Variants in CSNK1G3 observed in about 807,000 individuals in gnomAD.
CSNK1G3 encodes casein kinase I isoform gamma-3.
In CSNK1G3, 23 loss-of-function variants were observed where a neutral mutation model predicts 64.3. That is an observed-to-expected ratio of 0.36 (90% confidence interval 0.26 to 0.51). CSNK1G3 has a LOEUF of 0.51. Among genes scored for constraint, CSNK1G3 ranks in the 20% least tolerant of loss-of-function variants. The pLI, the probability that CSNK1G3 is intolerant of heterozygous loss-of-function variation, is 0.96. For synonymous variants in CSNK1G3, 158 were observed against 162.2 expected, an observed-to-expected ratio of 0.97 and a Z score of 0.20; for missense variants, 357 against 510.5, an observed-to-expected ratio of 0.70 and a Z score of 2.90.
At chr5:123,599,726 A>G (rs2151087773) in intron 10 of CSNK1G3, among the ~76,000 whole-genome samples, 2 of 152,242 alleles carry the variant, frequency 1.3e-5, no homozygotes, top group South Asian at 4.1e-4. Flanking sequence ...TTTCTGGGGT[A>G]CTGAAATCTG....
chr5:123,544,300 T>A (rs1370056660), intron 1 of CSNK1G3, among the ~76,000 whole-genome samples: 1 of 152,210 alleles, frequency 6.6e-6, no homozygotes, highest in African/African-American at 2.4e-5. Flanking sequence ...CTAATAAGCC[T>A]GCCTTTCTTT....
rs1423704144 is a variant in CSNK1G3 at position 123,573,548 on chromosome 5, A to G, written c.438+7A>G. On this transcript the variant is annotated splice_region_variant and intron_variant, in intron 5 of 12. Transcript: ENST00000345990. ...CATGATAGCTATACAACTGGTAAGT[A>G]AAATAAGGTATTTGAAGTTGTTTGA... The G allele has an allele frequency of 1.3e-6, 2 of 1,582,928 alleles. No individual in the cohort carries two copies. Among genetic ancestry groups the G allele is most frequent in the Non-Finnish European group, 1.7e-6 (2 of 1,169,152 alleles).
At chr5:123,576,822 A>G (rs1789256035) in intron 6 of CSNK1G3, among the ~76,000 whole-genome samples, 1 of 152,114 alleles carries the variant, frequency 6.6e-6, no homozygotes, top group Non-Finnish European at 1.5e-5. Flanking sequence ...TTTTGGGATT[A>G]TGTAAACATG....
intron 1 of CSNK1G3, among the ~76,000 whole-genome samples, chr5:123,526,099 A>G (rs1158494704): frequency 6.6e-6 from 1 of 151,948 alleles, no homozygotes; most frequent in African/African-American, 2.4e-5. Context: ...GTGCAGTGGC[A>G]TAATCATGGC....
chr5:123,575,604 A>C (rs187498822), intron 5 of CSNK1G3, 125 bp from the exon 6 acceptor site: 47 of 635,820 alleles, frequency 7.4e-5, no homozygotes, highest in Non-Finnish European at 1.3e-4. Context: ...TTTTACTTTT[A>C]AAGGGTTGAA....
intron 1 of CSNK1G3, among the ~76,000 whole-genome samples, chr5:123,535,207 G>A (rs1300300908): frequency 3.9e-5 from 6 of 152,096 alleles, no homozygotes. Context: ...CTCTTGTAGC[G>A]CAAAAGCATC....
intron 11 of CSNK1G3, 51 bp from the exon 13 acceptor site, chr5:123,605,288 C>T (rs775310343): frequency 3.5e-6 from 5 of 1,425,644 alleles, no homozygotes; most frequent in Middle Eastern, 1.8e-4. Context: ...GTTTCTGATT[C>T]TCTCTCTCTC....
In CSNK1G3 at chr5:123,614,206, A is replaced by T; in HGVS notation, c.1218-136A>T. ...CTCTGCCATATTTTCACTAATACGT[A>T]TGCTTCATTGGTGTAATCACTGTTT... On this transcript the variant is annotated intron_variant, in intron 12 of 12. Coordinates refer to ENST00000345990, the Ensembl canonical transcript of CSNK1G3. The T allele has an allele frequency of 4.4e-6, 3 of 675,302 alleles. No individual in the cohort carries two copies. The South Asian group carries it at 6.5e-5, about 15-fold the overall frequency. The allele number at this position is 675,302 out of a possible 1,614,324, so 41.8% of individuals were successfully genotyped here. A position where few individuals can be genotyped will look rare whatever the true frequency, so the allele number is the denominator to read the frequency against.
chr5:123,560,564 C>G (rs530627154), intron 4 of CSNK1G3, among the ~76,000 whole-genome samples: 1 of 152,106 alleles, frequency 6.6e-6, no homozygotes, highest in Non-Finnish European at 1.5e-5. Context: ...TGGTGGCTCA[C>G]GCCTATAATC....
At chr5:123,565,918 C>T (rs1786779847) in intron 4 of CSNK1G3, among the ~76,000 whole-genome samples, 1 of 152,174 alleles carries the variant, frequency 6.6e-6, no homozygotes, top group Admixed American at 6.5e-5. Context: ...CATCAGGCCC[C>T]ACCTTCAACA....
chr5:123,518,552 C>T (rs1177209859), intron 1 of CSNK1G3, among the ~76,000 whole-genome samples: 5 of 152,226 alleles, frequency 3.3e-5, no homozygotes, highest in African/African-American at 9.6e-5. Flanking sequence ...CTCTCTCTTT[C>T]TGTCTGTGTC....
chr5:123,547,473 A>G (rs1458724259), intron 2 of CSNK1G3, among the ~76,000 whole-genome samples: 1 of 152,174 alleles, frequency 6.6e-6, no homozygotes, highest in Admixed American at 6.5e-5. Flanking sequence ...GTGTATTCAC[A>G]CAAAGCTAGT....
chr5:123,594,077 G>C (rs181187072), intron 10 of CSNK1G3, among the ~76,000 whole-genome samples: 4 of 152,086 alleles, frequency 2.6e-5, no homozygotes, highest in Non-Finnish European at 5.9e-5. Context: ...GTGGGGAAGT[G>C]GTTAATGTCT....
chr5:123,515,549 C>A (rs1355820722), intron 1 of CSNK1G3, among the ~76,000 whole-genome samples: 1 of 151,954 alleles, frequency 6.6e-6, no homozygotes, highest in Non-Finnish European at 1.5e-5. Context: ...TTTCACAGTT[C>A]GGGATTAACG....
intron 10 of CSNK1G3, 76 bp downstream of exon 11, chr5:123,595,210 T>C: frequency 7.9e-7 from 1 of 1,257,930 alleles, no homozygotes; most frequent in Non-Finnish European, 1.1e-6. Context: ...ACTCATGGCA[T>C]GATTTCATAT....
In CSNK1G3 at chr5:123,587,964, G is replaced by T. The variant is rs555522139; in HGVS notation, c.674-104G>T. 1.6e-5 allele frequency: 11 copies of T among 686,656 alleles called. No individual in the cohort carries two copies. In the South Asian group the frequency reaches 2.0e-4, roughly 13 times the overall value. The allele number at this position is 686,656 out of a possible 1,614,324, so 42.5% of individuals were successfully genotyped here. A position where few individuals can be genotyped will look rare whatever the true frequency, so the allele number is the denominator to read the frequency against. On this transcript the variant is annotated intron_variant, in intron 6 of 12. Transcript: ENST00000345990. ...GATCTGTATTTTGTATTTATATGTT[G>T]AACTTTTGGAAATTAATTTATACAT... is the stretch of plus-strand genomic sequence containing the variant.
chr5:123,518,018 A>G (rs143418924), intron 1 of CSNK1G3, among the ~76,000 whole-genome samples: 17 of 151,794 alleles, frequency 1.1e-4, no homozygotes, highest in East Asian at 1.9e-4. Context: ...TGATCAATCT[A>G]TGGTTCTCAC....
In CSNK1G3 at chr5:123,565,881, A is replaced by C. The variant is rs374646428; in HGVS notation, c.290-7512A>C. On this transcript the variant is annotated intron_variant, in intron 4 of 12. Transcript: ENST00000345990. Reference sequence around the variant, plus strand: ...TGAGAACAGCACAAACCCATGAGGGATCTGCCCCATTGACCCAGTTAACTC... The same window carrying C: ...TGAGAACAGCACAAACCCATGAGGGCTCTGCCCCATTGACCCAGTTAACTC... Among the ~76,000 whole-genome samples, 4 of 152,304 alleles carry C rather than the reference A, an allele frequency of 2.6e-5. No homozygotes were observed. The South Asian group carries it at 8.3e-4, about 32-fold the overall frequency.
intron 1 of CSNK1G3, among the ~76,000 whole-genome samples, chr5:123,540,747 C>T (rs1485698349): frequency 1.3e-5 from 2 of 152,082 alleles, no homozygotes; most frequent in African/African-American, 2.4e-5. Context: ...ATTTTGCTGC[C>T]TCAGCCTCCC....
Sources: gnomAD v4.1 joint callset for allele counts (sites outside exome capture counted in the v4.1 genomes callset) on GRCh38, gnomAD v4.1.1 for gene constraint, MANE v1.5 for transcripts, NCBI Gene and HGNC (gene_info 2026-07-23, HGNC 2026-07-21) for gene names.